The following TPM1 variants were observed in gnomAD, a reference collection of about 807,000 sequenced individuals.
The protein encoded by TPM1 is tropomyosin 1.
TPM1 carries 24 observed loss-of-function variants against 42.9 expected under a neutral mutation model. The ratio of observed to expected loss-of-function variants is 0.56; its 90% CI spans 0.41 to 0.79. TPM1 has a LOEUF of 0.79. Among genes scored for constraint, TPM1 ranks in the 30% least tolerant of loss-of-function variants. The pLI is 0.00. For synonymous variants in TPM1, 136 were observed against 130.1 expected, an observed-to-expected ratio of 1.05 and a Z score of -0.31; for missense variants, 158 against 351.8, an observed-to-expected ratio of 0.45 and a Z score of 4.41.
Position 63,043,880 on chromosome 15 carries a change from CTCTT to C in TPM1, c.115-143_115-140del, listed in dbSNP as rs778738738. ...GTGGCGCACGAATGGCTAACTCTTT[CTCTT>C]TCTCTCTCTCCCTCCCTGTCTTTCC... On this transcript the variant is annotated intron_variant, in intron 1 of 9. Transcript: ENST00000403994. 6.4e-6 allele frequency: 10 copies of C among 1,550,660 alleles called. No homozygotes were observed. In the African/African-American group the frequency reaches 9.6e-5, roughly 15 times the overall value.
chr15:63,049,745 G>C (rs2033438462), intron 2 of TPM1, among the ~76,000 whole-genome samples: 1 of 152,322 alleles, frequency 6.6e-6, no homozygotes, highest in African/African-American at 2.4e-5. Context: ...TCAGAGGAAA[G>C]CTCAACTAGA....
intron 9 of TPM1, 43 bp from the exon 10 acceptor site, chr15:63,065,850 CATT>C (rs1172733471): frequency 1.3e-6 from 2 of 1,526,892 alleles, no homozygotes; most frequent in Non-Finnish European, 1.8e-6. Context: ...TTTTTTTTCT[CATT>C]GTGCCACTTT....
chr15:63,054,957 A>G (rs1409513249), intron 2 of TPM1, among the ~76,000 whole-genome samples: 1 of 152,102 alleles, frequency 6.6e-6, no homozygotes. Flanking sequence ...ATGAAAATAT[A>G]GAAAAGTGAA....
At chr15:63,055,687 G>A (rs1181762750) in intron 2 of TPM1, 1 of 152,114 alleles carries the variant, frequency 6.6e-6, no homozygotes, top group Non-Finnish European at 1.5e-5. Context: ...GTAATTTCTA[G>A]AAAACTCCTA....
At chr15:63,068,883 T>C (rs530173878), downstream of TPM1, among the ~76,000 whole-genome samples, 52 of 152,248 alleles carry the variant, frequency 3.4e-4, no homozygotes, top group African/African-American at 1.3e-3. Context: ...GCGCGGTGGC[T>C]CATGCCTGTA....
At chr15:63,043,268 G>A (rs751863929) in intron 1 of TPM1, 2 of 511,374 alleles carry the variant, frequency 3.9e-6, no homozygotes, top group Non-Finnish European at 7.4e-6. Flanking sequence ...ACGTTTGAAG[G>A]AAGGGCGAGG....
chr15:63,060,082 T>A (rs1596374384), intron 4 of TPM1: 1 of 243,138 alleles, frequency 4.1e-6, no homozygotes, highest in Non-Finnish European at 8.3e-6. Context: ...CACAGACAGT[T>A]TCTCAGTGGA....
chr15:63,044,625 G>T, intron 2 of TPM1: 1 of 272,844 alleles, frequency 3.7e-6, no homozygotes, highest in African/African-American at 2.2e-5. Flanking sequence ...ATGACACAGC[G>T]GTACCTTTAC....
intron 2 of TPM1, among the ~76,000 whole-genome samples, chr15:63,052,133 C>CACTA (rs1555406122): frequency 1.3e-5 from 2 of 151,584 alleles, no homozygotes; most frequent in African/African-American, 4.9e-5. Flanking sequence ...TTGAGTAGTT[C>CACTA]ATTGTTAGAA....
At chr15:63,056,560 G>T (rs950946713) in intron 2 of TPM1, 2 of 235,698 alleles carry the variant, frequency 8.5e-6, no homozygotes, top group African/African-American at 2.3e-5. Flanking sequence ...CCAACTACTC[G>T]GGAGGCTGAG....
chr15:63,057,897 G>A (rs552416289), intron 3 of TPM1, among the ~76,000 whole-genome samples: 2 of 152,314 alleles, frequency 1.3e-5, no homozygotes, highest in African/African-American at 2.4e-5. Flanking sequence ...TGCCGCTTGA[G>A]GGATGGCATA....
intron 2 of TPM1, chr15:63,055,782 C>G (rs966382666): frequency 2.6e-5 from 4 of 152,196 alleles, no homozygotes; most frequent in African/African-American, 9.7e-5. Flanking sequence ...AATTCCATCT[C>G]CCACTTCCAT....
chr15:63,048,347 GGC>G (rs2032907487), intron 2 of TPM1: 1 of 1,181,872 alleles, frequency 8.5e-7, no homozygotes, highest in South Asian at 1.7e-5. Flanking sequence ...CGGGATCCAC[GGC>G]GCGCGCCCCT....
intron 7 of TPM1, 54 bp from the exon 8 acceptor site, chr15:63,062,522 G>T (rs2035776771): frequency 2.5e-6 from 4 of 1,583,786 alleles, no homozygotes; most frequent in African/African-American, 1.3e-5. Context: ...CCCTATGTTT[G>T]TAGCTACAGG....
intron 2 of TPM1, chr15:63,048,509 C>G (rs2032999871): frequency 1.4e-6 from 2 of 1,473,112 alleles, no homozygotes; most frequent in African/African-American, 3.0e-5. Context: ...GCCGCGGCAG[C>G]CGGGTCCGCA....
Position 63,062,641 on chromosome 15 carries a change from A to G in TPM1, c.768A>G (p.Leu256=), listed in dbSNP as rs139650306. 3.7e-6 allele frequency: 6 copies of G among 1,614,284 alleles called. No homozygotes were observed. The highest frequency in any genetic ancestry group is 5.1e-6 in the Non-Finnish European group (6 of 1,180,050). ...AATTGGAGAAAAGCATTGATGACTT[A>G]GAAGGTAAGATCTTAAGTAGTGTTT... is the stretch of plus-strand genomic sequence containing the variant. ...VTKLEKSIDD[L]EDELYAQKLK... is the part of the protein sequence containing the mutation. The change falls in exon 8 of 10, where the codon TTA becomes TTG. Residue 256 remains leucine, a synonymous_variant. Transcript: ENST00000403994.
intron 9 of TPM1, chr15:63,064,451 A>C: frequency 8.4e-7 from 1 of 1,185,984 alleles, no homozygotes; most frequent in Admixed American, 4.0e-5. Flanking sequence ...ACTCAAGTAA[A>C]ACTAGAAGGC....
intron 2 of TPM1, chr15:63,045,149 A>T (rs1430029252): frequency 6.6e-6 from 1 of 152,044 alleles, no homozygotes; most frequent in Non-Finnish European, 1.5e-5. Flanking sequence ...AGCAGTTGAA[A>T]CACCGAGAGC....
chr15:63,065,895 GA>G lies in TPM1; in HGVS notation c.852del (p.Ter285LysfsTer30). 6.2e-7 allele frequency: 1 copy of G among 1,604,896 alleles called. No individual in the cohort carries two copies. The highest frequency in any genetic ancestry group is 1.1e-5 in the South Asian group (1 of 90,492). Reference protein sequence around the residue: ...LDHALNDMTSI With the variant: ...LDHALNDMTSX ...CCTCCCACCTTTTTATCTTCACGCA[GA>G]TAAGTTTCTTTGCTTCACTTCTCCC... On this transcript the variant is annotated frameshift_variant and splice_region_variant, in exon 10 of 10. Coordinates refer to ENST00000403994, the MANE Select transcript of TPM1 (RefSeq NM_001018005.2). LOFTEE classifies it high-confidence loss of function.
Sources: allele counts gnomAD v4.1 joint callset (sites outside exome capture counted in the v4.1 genomes callset), GRCh38; gene constraint gnomAD v4.1.1; transcripts MANE v1.5; gene names NCBI Gene and HGNC (gene_info 2026-07-23, HGNC 2026-07-21).